Variants in PDE1C observed in about 807,000 individuals in gnomAD.
PDE1C encodes the protein phosphodiesterase 1C.
PDE1C carries 62 observed loss-of-function variants against 93.1 expected under a neutral mutation model. The observed-to-expected ratio is 0.67, with a 90% confidence interval of 0.54 to 0.82. PDE1C has a LOEUF of 0.82. Among genes scored for constraint, PDE1C ranks in the 40% least tolerant of loss-of-function variants. The pLI, the probability that PDE1C is intolerant of heterozygous loss-of-function variation, is 0.00. For missense variants in PDE1C, 742 were observed against 884.6 expected, an observed-to-expected ratio of 0.84 and a Z score of 2.04; for synonymous variants, 325 against 310.1, an observed-to-expected ratio of 1.05 and a Z score of -0.50.
At chr7:31,886,648 C>A (rs184579816) in intron 2 of PDE1C, among the ~76,000 whole-genome samples, 2 of 152,186 alleles carry the variant, frequency 1.3e-5, no homozygotes, top group South Asian at 2.1e-4. Flanking sequence ...ACAAAGCCCT[C>A]CCCAGTGGAG....
intron 1 of PDE1C, among the ~76,000 whole-genome samples, chr7:32,227,965 C>T (rs1177121359): frequency 6.6e-6 from 1 of 152,180 alleles, no homozygotes; most frequent in African/African-American, 2.4e-5. Flanking sequence ...GCCACCAGCC[C>T]CAGTCAAGCC....
At chr7:32,143,966 G>A (rs1196226272) in intron 3 of PDE1C, among the ~76,000 whole-genome samples, 1 of 152,128 alleles carries the variant, frequency 6.6e-6, no homozygotes, top group African/African-American at 2.4e-5. Context: ...AAGGCACTGG[G>A]GATATCTGAC....
the PDE1C span, among the ~76,000 whole-genome samples, chr7:31,690,776 C>T: frequency 2.6e-5 from 4 of 152,124 alleles, no homozygotes; most frequent in African/African-American, 4.8e-5. Context: ...ATAGTAAGTG[C>T]GTGGCTTCAA....
chr7:32,007,217 AT>A (rs1786393042), intron 2 of PDE1C, among the ~76,000 whole-genome samples: 1 of 152,152 alleles, frequency 6.6e-6, no homozygotes. Context: ...ATTGCTTGCC[AT>A]TTTCTGTTCA....
chr7:32,348,708 G>A (rs1032551201), intron 1 of PDE1C, among the ~76,000 whole-genome samples: 1 of 152,116 alleles, frequency 6.6e-6, no homozygotes, highest in Non-Finnish European at 1.5e-5. Context: ...AATAGACTCA[G>A]CTTCATTTTC....
chr7:31,730,793 G>A, the PDE1C span, among the ~76,000 whole-genome samples: 1 of 151,908 alleles, frequency 6.6e-6, no homozygotes, highest in East Asian at 1.9e-4. Context: ...TGAGATAGTC[G>A]GGTTTCTTCT....
At chr7:32,064,789 G>A in intron 1 of PDE1C, among the ~76,000 whole-genome samples, 1 of 151,982 alleles carries the variant, frequency 6.6e-6, no homozygotes, top group Non-Finnish European at 1.5e-5. Context: ...CTCAAACTAT[G>A]AGCATACATA....
intron 1 of PDE1C, among the ~76,000 whole-genome samples, chr7:32,421,404 G>A (rs934024654): frequency 7.2e-5 from 11 of 152,218 alleles, no homozygotes; most frequent in Non-Finnish European, 2.9e-5. Context: ...TCACCTACAC[G>A]GATGATCCGT....
chr7:32,123,365 G>T (rs900694921), intron 3 of PDE1C, among the ~76,000 whole-genome samples: 3 of 152,016 alleles, frequency 2.0e-5, no homozygotes, highest in African/African-American at 4.8e-5. Flanking sequence ...ATTTTATAAA[G>T]CCAGCATCAT....
Position 31,837,257 on chromosome 7 carries a change from C to T in PDE1C, c.1126G>A (p.Asp376Asn). ...CATGCTTTTGCTGGATGGCTAATATCTGCTGTATGCAGCATAAGGGATAAG... is the reference window on the plus strand; with the variant it reads ...CATGCTTTTGCTGGATGGCTAATATTTGCTGTATGCAGCATAAGGGATAAG... ...KALSLMLHTA[D>N]ISHPAKAWDL... Residue 376 changes from aspartate to asparagine, a missense_variant, in exon 11 of 18, where the codon GAT becomes AAT. Physicochemically the swap from Asp to Asn is conservative, Grantham distance 23. Transcript: ENST00000396191. 6.2e-7 allele frequency: 1 copy of T among 1,613,750 alleles called. No individual in the cohort carries two copies. Among genetic ancestry groups the T allele is most frequent in the Non-Finnish European group, 8.5e-7 (1 of 1,179,734 alleles).
chr7:31,790,823 A>G (rs954152037), intron 16 of PDE1C, among the ~76,000 whole-genome samples: 7 of 152,134 alleles, frequency 4.6e-5, no homozygotes, highest in Non-Finnish European at 8.8e-5. Flanking sequence ...ACAAAGATGG[A>G]AAAAGGACTA....
chr7:31,938,671 T>C (rs2128994639), intron 2 of PDE1C, among the ~76,000 whole-genome samples: 1 of 152,098 alleles, frequency 6.6e-6, no homozygotes, highest in Non-Finnish European at 1.5e-5. Context: ...CATAAAACTA[T>C]TCAATAATTC....
At chr7:32,103,858 T>C (rs1210050279) in intron 3 of PDE1C, among the ~76,000 whole-genome samples, 2 of 151,910 alleles carry the variant, frequency 1.3e-5, no homozygotes, top group African/African-American at 2.4e-5. Flanking sequence ...GAAACAAGAA[T>C]AGGATGCTAC....
At chr7:32,184,880 G>A (rs763110596) in intron 2 of PDE1C, among the ~76,000 whole-genome samples, 1 of 152,190 alleles carries the variant, frequency 6.6e-6, no homozygotes, top group Non-Finnish European at 1.5e-5. Context: ...GGGAGGCTGA[G>A]GTGGGTGGAT....
chr7:31,996,788 CTTATT>C (rs1285357208), intron 2 of PDE1C, among the ~76,000 whole-genome samples: 1 of 152,092 alleles, frequency 6.6e-6, no homozygotes, highest in Non-Finnish European at 1.5e-5. Context: ...TAATTTATAC[CTTATT>C]TTAAGAAATA....
intron 1 of PDE1C, among the ~76,000 whole-genome samples, chr7:32,261,494 C>T (rs1287837599): frequency 6.6e-6 from 1 of 152,174 alleles, no homozygotes; most frequent in Non-Finnish European, 1.5e-5. Context: ...TCCAGTCTCT[C>T]GCACAGCCAG....
chr7:32,146,217 A>C (rs1423588175), intron 3 of PDE1C, among the ~76,000 whole-genome samples: 2 of 152,160 alleles, frequency 1.3e-5, no homozygotes, highest in Non-Finnish European at 2.9e-5. Context: ...ACCCCACCTA[A>C]TGTGCTATTT....
the PDE1C span, among the ~76,000 whole-genome samples, chr7:31,678,891 T>C: frequency 6.6e-6 from 1 of 152,150 alleles, no homozygotes. Context: ...TTAGGTCAAG[T>C]GAGCCTTGAT....
chr7:32,323,017 G>A (rs1054153665), intron 1 of PDE1C, among the ~76,000 whole-genome samples: 26 of 152,108 alleles, frequency 1.7e-4, no homozygotes, highest in African/African-American at 6.0e-4. Flanking sequence ...GACTGGGAGG[G>A]TCTGGTAGGA....
Sources: allele counts gnomAD v4.1 joint callset (sites outside exome capture counted in the v4.1 genomes callset), GRCh38; gene constraint gnomAD v4.1.1; transcripts MANE v1.5; gene names NCBI Gene and HGNC (gene_info 2026-07-23, HGNC 2026-07-21).